Variants in CDC42BPG observed in about 807,000 individuals in gnomAD.
CDC42BPG encodes serine/threonine-protein kinase MRCK gamma.
A neutral mutation model predicts 192.2 loss-of-function variants in CDC42BPG; 157 were observed. The observed-to-expected ratio is 0.82, with a 90% CI of 0.72 to 0.93. CDC42BPG has a LOEUF of 0.93. Ranked by LOEUF, CDC42BPG falls within the 40% of genes least tolerant of loss-of-function variation. The pLI, the probability that CDC42BPG is intolerant of heterozygous loss-of-function variation, is 0.00. For synonymous variants in CDC42BPG, 981 were observed against 918.5 expected, an observed-to-expected ratio of 1.07 and a Z score of -1.23; for missense variants, 1,992 against 2,122.1, an observed-to-expected ratio of 0.94 and a Z score of 1.20.
In CDC42BPG at chr11:64,835,374, G is replaced by T; in HGVS notation, c.1926C>A (p.Asn642Lys). The change falls in exon 16 of 37, where the codon AAC becomes AAA. Residue 642 changes from asparagine (N) to lysine (K), a missense_variant. Around this residue, in one of 2 missense-constraint regions of CDC42BPG, gnomAD observed 1,656 missense variants for 1,844.3 expected, o/e 0.90. Transcript: ENST00000342711. ...EEALCQLQEE[N>K]RRLSREQERL... ...GCTCCTGCTCCCGGCTCAGCCTCCG[G>T]TTTTCCTCCTGCAGCTGGCACAGAG... is the stretch of plus-strand genomic sequence containing the variant. The T allele has an allele frequency of 6.2e-7, 1 of 1,613,904 alleles. No individual in the cohort carries two copies. The highest frequency in any genetic ancestry group is 8.5e-7 in the Non-Finnish European group (1 of 1,180,004).
intron 1 of CDC42BPG, among the ~76,000 whole-genome samples, chr11:64,842,296 G>A (rs113444734): frequency 1.3e-3 from 196 of 152,296 alleles, no homozygotes; most frequent in African/African-American, 4.6e-3. Flanking sequence ...CCCCCTCACA[G>A]GTTCAGGCCA....
chr11:64,834,079 C>A (rs2136306012), intron 20 of CDC42BPG, 102 bp from the exon 21 acceptor site: 1 of 1,523,088 alleles, frequency 6.6e-7, no homozygotes, highest in Non-Finnish European at 9.1e-7. Context: ...GAAATGACCA[C>A]AGGGTGGGGC....
chr11:64,827,861 G>GGTTA, intron 30 of CDC42BPG, 78 bp from the exon 31 acceptor site: 1 of 1,245,816 alleles, frequency 8.0e-7, no homozygotes. Flanking sequence ...CCACAGCACA[G>GGTTA]TAACTACCAT....
intron 27 of CDC42BPG, among the ~76,000 whole-genome samples, chr11:64,832,170 G>A (rs1462224241): frequency 1.3e-5 from 2 of 152,256 alleles, no homozygotes; most frequent in Non-Finnish European, 2.9e-5. Context: ...CAGGTGCCAA[G>A]GGAGAGGGCT....
At chr11:64,834,825 C>T (rs1400681212) in intron 18 of CDC42BPG, 24 bp downstream of exon 18, 1 of 1,604,842 alleles carries the variant, frequency 6.2e-7, no homozygotes, top group African/African-American at 1.3e-5. Context: ...CAAGCCAGCC[C>T]CCAGGGGCAT....
intron 28 of CDC42BPG, chr11:64,830,605 A>G: frequency 2.6e-6 from 1 of 384,722 alleles, no homozygotes; most frequent in East Asian, 5.7e-5. Context: ...CCCTTGCTCA[A>G]TAAATCCCCT....
At chr11:64,838,011 G>A (rs1943097477) in intron 9 of CDC42BPG, 72 bp downstream of exon 9, 2 of 1,316,066 alleles carry the variant, frequency 1.5e-6, no homozygotes, top group East Asian at 2.5e-5. Flanking sequence ...GGCCCCAGTG[G>A]GCTACGCGCC....
In CDC42BPG at chr11:64,827,967, T is replaced by C. The variant is rs7126002; in HGVS notation, c.3968-184A>G. 1.7e-3 allele frequency among the ~76,000 whole-genome samples: 260 copies of C among 152,316 alleles called. 1 individual carries two copies. The highest frequency in any genetic ancestry group is 5.3e-3 in the African/African-American group (222 of 41,576). ...AACCCTGGACCACTCACCACATGCC[T>C]GGCTCAGTTCTAAACACGACATGCT... is the stretch of plus-strand genomic sequence containing the variant. On this transcript the variant is annotated intron_variant, in intron 30 of 36. Transcript: ENST00000342711.
chr11:64,834,108 C>T, intron 20 of CDC42BPG, 131 bp from the exon 21 acceptor site: 1 of 1,441,572 alleles, frequency 6.9e-7, no homozygotes, highest in Non-Finnish European at 9.7e-7. Context: ...GCACAGCAGG[C>T]ACTCCAGAAG....
At position 64,836,722 on chromosome 11, in the gene CDC42BPG, G is replaced by GGGGGGGGGGGGGGGGGGT; in HGVS notation, c.1384+16_1384+17insACCCCCCCCCCCCCCCCC. 1 of 859,762 alleles carries GGGGGGGGGGGGGGGGGGT rather than the reference G, an allele frequency of 1.2e-6. No individual in the cohort carries two copies. The allele number at this position is 859,762 out of a possible 1,614,324, so 53.3% of individuals were successfully genotyped here. On this transcript the variant is annotated intron_variant, in intron 11 of 36. Coordinates refer to ENST00000342711, the MANE Select transcript of CDC42BPG (RefSeq NM_017525.3). ...ACTCAGCCCTGGGGGGGGGGGGGGG[G>GGGGGGGGGGGGGGGGGGT]TGGGCGGAAGGGATACCTGGCAGCC... is the stretch of plus-strand genomic sequence containing the variant.
chr11:64,825,788 G>A (rs756139345), intron 36 of CDC42BPG, among the ~76,000 whole-genome samples: 10 of 152,092 alleles, frequency 6.6e-5, no homozygotes, highest in African/African-American at 1.9e-4. Context: ...AAGAGTGGCC[G>A]GGCATGGTGG....
rs537285307 is a variant in CDC42BPG at position 64,827,695 on chromosome 11, C to A, written c.4056G>T (p.Pro1352=). Residue 1352 remains proline, a synonymous_variant, in exon 31 of 37, where the codon CCG becomes CCT. Transcript: ENST00000342711. ...TCTGGCGGACCCTCACCTTCTTGAG[C>A]GGCACGGTCTGCACCCATTCTGCCC... ...VRRAEWVQTV[P]LKKVRPLNPE... 2 of 1,610,864 alleles carry A rather than the reference C, an allele frequency of 1.2e-6. No individual in the cohort carries two copies. Among genetic ancestry groups the A allele is most frequent in the Admixed American group, 3.3e-5 (2 of 59,736 alleles).
Position 64,833,624 on chromosome 11 carries a change from G to A in CDC42BPG, c.2601C>T (p.Ala867=). 4 of 1,611,858 alleles carry A rather than the reference G, an allele frequency of 2.5e-6. No homozygotes were observed. The highest frequency in any genetic ancestry group is 3.4e-6 in the Non-Finnish European group (4 of 1,179,328). The part of the protein sequence containing the change: ...VFPRAPTANT[A]STEGLPAKPG... Reference sequence around the variant, plus strand: ...CCTTAGCAGGAAGACCTTCTGTAGAGGCTGTGTTGGCAGTGGGTGCTCTGG... The same window carrying A: ...CCTTAGCAGGAAGACCTTCTGTAGAAGCTGTGTTGGCAGTGGGTGCTCTGG... Residue 867 remains alanine (A), a synonymous_variant, in exon 23 of 37, where the codon GCC becomes GCT. Coordinates refer to ENST00000342711, the MANE Select transcript of CDC42BPG (RefSeq NM_017525.3).
chr11:64,827,123 G>T lies in CDC42BPG; in HGVS notation c.4316C>A (p.Pro1439Gln). 7 of 1,614,102 alleles carry T rather than the reference G, an allele frequency of 4.3e-6. No homozygotes were observed. The highest frequency in any genetic ancestry group is 5.9e-6 in the Non-Finnish European group (7 of 1,179,990). ...DPFVRSKLIS[P>Q]PTNFNHLVHV... is the part of the protein sequence containing the mutation. ...TACTAGGTGGTTGAAGTTGGTAGGC[G>T]GCGAGATGAGCTTGGAGCGCACAAA... Residue 1439 changes from proline to glutamine, a missense_variant, in exon 34 of 37, where the codon CCG becomes CAG. Transcript: ENST00000342711.
chr11:64,826,303 G>T (rs1942411733), intron 36 of CDC42BPG, among the ~76,000 whole-genome samples, 167 bp downstream of exon 36: 1 of 152,220 alleles, frequency 6.6e-6, no homozygotes, highest in Admixed American at 6.5e-5. Flanking sequence ...GGATCCTGCT[G>T]GTGCCCACTG....
At chr11:64,828,090 T>C (rs1271149739) in intron 30 of CDC42BPG, among the ~76,000 whole-genome samples, 1 of 152,146 alleles carries the variant, frequency 6.6e-6, no homozygotes, top group Non-Finnish European at 1.5e-5. Flanking sequence ...CATGTGATGG[T>C]CAAGGTCAGG....
chr11:64,828,249 C>T (rs1942525533), intron 30 of CDC42BPG, among the ~76,000 whole-genome samples: 1 of 148,242 alleles, frequency 6.7e-6, no homozygotes, highest in African/African-American at 2.5e-5. Flanking sequence ...ATGCTAGTTA[C>T]TTGTGCATGC....
At chr11:64,839,364 AC>A in intron 6 of CDC42BPG, 113 bp downstream of exon 6, 1 of 1,497,554 alleles carries the variant, frequency 6.7e-7, no homozygotes. Context: ...CCTGGGTCTC[AC>A]CCACCTTCCC....
Position 64,829,670 on chromosome 11 carries a change from C to T in CDC42BPG, c.3768G>A (p.Ala1256=), listed in dbSNP as rs1592688633. The part of the protein sequence containing the change: ...FALYPLLNEA[A]PLALGAGLVP... ...CCAAACCGGCCCCCAGCGCCAACGG[C>T]GCAGCCTCGTTGAGCAGCGGGTAGA... Residue 1256 remains alanine (A), a synonymous_variant, in exon 30 of 37, where the codon GCG becomes GCA. Transcript: ENST00000342711. The T allele has an allele frequency of 2.5e-6, 4 of 1,611,602 alleles. No individual in the cohort carries two copies. Among genetic ancestry groups the T allele is most frequent in the Non-Finnish European group, 3.4e-6 (4 of 1,179,406 alleles).
Sources: allele counts gnomAD v4.1 joint callset (sites outside exome capture counted in the v4.1 genomes callset), GRCh38; gene constraint gnomAD v4.1.1; regional missense constraint gnomAD v4.1.1; transcripts MANE v1.5; gene names NCBI Gene and HGNC (gene_info 2026-07-23, HGNC 2026-07-21).